The following TXNRD3 variants were observed in gnomAD, a reference collection of about 807,000 sequenced individuals.
The protein encoded by TXNRD3 is TXNRD3 neighbor gene protein.
In TXNRD3, 68 loss-of-function variants were observed where a neutral mutation model predicts 78.2. The ratio of observed to expected loss-of-function variants is 0.87; its 90% confidence interval spans 0.72 to 1.06. The LOEUF (loss-of-function observed/expected upper bound fraction) is 1.06, where lower values mean the gene tolerates loss of function less well. Ranked by LOEUF, TXNRD3 falls within the 50% of genes least tolerant of loss-of-function variation. The pLI is 0.00. For missense variants in TXNRD3, 751 were observed against 809.5 expected (o/e 0.93, Z 0.88); for synonymous variants, 296 against 300.1 (o/e 0.99, Z 0.14).
At chr3:126,644,775 C>T (rs1933188550) in intron 3 of TXNRD3, among the ~76,000 whole-genome samples, 1 of 152,234 alleles carries the variant, frequency 6.6e-6, no homozygotes, top group East Asian at 1.9e-4. Flanking sequence ...CTCACTTGTG[C>T]TAGTCTTCAT....
Position 126,615,348 on chromosome 3 carries a change from A to AT in TXNRD3, c.1632+6dup. On this transcript the variant is annotated splice_region_variant and intron_variant, in intron 13 of 15. Transcript: ENST00000524230. ...TTTTTTAAGGAAGTAATAAAACACA[A>AT]TCTTACTTCTAGATTCTCTTTTTTA... 4 of 1,356,056 alleles carry AT rather than the reference A, an allele frequency of 2.9e-6. No homozygotes were observed. Among genetic ancestry groups the AT allele is most frequent in the Non-Finnish European group, 2.9e-6 (3 of 1,018,844 alleles). The allele number at this position is 1,356,056 out of a possible 1,614,324, so 84.0% of individuals were successfully genotyped here. A position where few individuals can be genotyped will look rare whatever the true frequency, so the allele number is the denominator to read the frequency against.
chr3:126,622,516 A>G lies in TXNRD3; in HGVS notation c.1315T>C (p.Ser439Pro). 2 of 1,534,508 alleles carry G rather than the reference A, an allele frequency of 1.3e-6. No individual in the cohort carries two copies. Among genetic ancestry groups the G allele is most frequent in the Non-Finnish European group, 1.7e-6 (2 of 1,146,500 alleles). Residue 439 changes from serine (S) to proline (P), a missense_variant, in exon 11 of 16, where the codon TCC becomes CCC. By Grantham distance (74) the Ser-to-Pro change is moderately conservative. Coordinates refer to ENST00000524230, the MANE Select transcript of TXNRD3 (RefSeq NM_052883.3). Reference sequence around the variant, plus strand: ...TCCAAGCCTATTTTCCTTGTACAGGAGTCACGACCAATAGCTAACAAAACC... The same window carrying G: ...TCCAAGCCTATTTTCCTTGTACAGGGGTCACGACCAATAGCTAACAAAACC...
chr3:126,653,154 T>C (rs2107631872), intron 1 of TXNRD3, among the ~76,000 whole-genome samples: 1 of 152,380 alleles, frequency 6.6e-6, no homozygotes, highest in Admixed American at 6.5e-5. Context: ...TATTTAAAAG[T>C]CTGGTGATTT....
At chr3:126,613,991 C>T (rs1285846480) in intron 13 of TXNRD3, among the ~76,000 whole-genome samples, 3 of 152,316 alleles carry the variant, frequency 2.0e-5, no homozygotes, top group East Asian at 1.9e-4. Flanking sequence ...GTTACTACCC[C>T]TGGGACAGGA....
intron 2 of TXNRD3, among the ~76,000 whole-genome samples, chr3:126,646,475 A>C (rs1457738912): frequency 6.6e-6 from 1 of 152,218 alleles, no homozygotes; most frequent in African/African-American, 2.4e-5. Flanking sequence ...TTATTCAGTG[A>C]CTATGCCAAG....
intron 1 of TXNRD3, among the ~76,000 whole-genome samples, chr3:126,653,093 G>A (rs1933428760): frequency 6.6e-6 from 1 of 152,158 alleles, no homozygotes; most frequent in African/African-American, 2.4e-5. Context: ...TTAAATGTAT[G>A]TATAGCTCAC....
In TXNRD3 at chr3:126,608,501, C is replaced by T. The variant is rs1938114298; in HGVS notation, c.1861G>A (p.Glu621Lys). Residue 621 changes from glutamate (E) to lysine (K), a missense_variant and splice_region_variant, in exon 15 of 16, where the codon GAG (glutamate) becomes AAG (lysine). Physicochemically the swap from Glu to Lys is moderately conservative, Grantham distance 56 (BLOSUM62 1). Coordinates refer to ENST00000524230, the MANE Select transcript of TXNRD3 (RefSeq NM_052883.3). ...TTTTAAAACCTCCTGTTTCCTACCT[C>T]CCCACATGTGGGGTGAATTCCAATG... 6.5e-7 allele frequency: 1 copy of T among 1,531,580 alleles called. No homozygotes were observed. The highest frequency in any genetic ancestry group is 8.7e-7 in the Non-Finnish European group (1 of 1,145,418). 94.9% of individuals were successfully genotyped at this position (1,531,580 alleles called of 1,614,324 possible).
chr3:126,627,234 A>G (rs991943737), intron 10 of TXNRD3, among the ~76,000 whole-genome samples: 2 of 152,244 alleles, frequency 1.3e-5, no homozygotes, highest in African/African-American at 4.8e-5. Context: ...GATAAAAAGA[A>G]CTACTGATGC....
At chr3:126,608,694 A>T (rs1938122196) in intron 14 of TXNRD3, 61 bp from the exon 15 acceptor site, 1 of 1,462,382 alleles carries the variant, frequency 6.8e-7, no homozygotes, top group African/African-American at 1.4e-5. Context: ...ATATGGATCC[A>T]TTCACTGCAA....
intron 10 of TXNRD3, among the ~76,000 whole-genome samples, chr3:126,624,458 G>A (rs1228047757): frequency 6.6e-6 from 1 of 151,392 alleles, no homozygotes; most frequent in South Asian, 2.1e-4. Flanking sequence ...TCTTGCTCTG[G>A]CACCCAGGCT....
Position 126,635,559 on chromosome 3 carries a change from T to C in TXNRD3, c.713-1508A>G, listed in dbSNP as rs376082849. ...CAAAGGTTGCTTAGCTATTTTCACA[T>C]ATGTATTTTTCAAAACGAATTTTAA... On this transcript the variant is annotated intron_variant, in intron 6 of 15. Coordinates refer to ENST00000524230, the MANE Select transcript of TXNRD3 (RefSeq NM_052883.3). Among the ~76,000 whole-genome samples, 73 of 152,314 alleles carry C rather than the reference T, an allele frequency of 4.8e-4. 1 individual carries two copies. In the South Asian group the frequency reaches 0.015, roughly 30 times the overall value.
At chr3:126,634,178 A>T in intron 6 of TXNRD3, 127 bp from the exon 7 acceptor site, 1 of 769,336 alleles carries the variant, frequency 1.3e-6, no homozygotes, top group Non-Finnish European at 1.8e-6. Flanking sequence ...CAGTAACTTA[A>T]ATATTTTGTA....
At chr3:126,643,578 A>C (rs1168119818) in intron 5 of TXNRD3, among the ~76,000 whole-genome samples, 1 of 152,216 alleles carries the variant, frequency 6.6e-6, no homozygotes, top group East Asian at 1.9e-4. Flanking sequence ...ACTCAAAAAA[A>C]TACTACGGCA....
In TXNRD3 at chr3:126,654,807, G is replaced by A; in HGVS notation, c.184C>T (p.Leu62Phe). Residue 62 changes from leucine to phenylalanine, a missense_variant, in exon 1 of 16, where the codon CTC becomes TTC. Physicochemically the swap from Leu to Phe is conservative, Grantham distance 22. Coordinates refer to ENST00000524230, the MANE Select transcript of TXNRD3 (RefSeq NM_052883.3). ...ATCACCACCCGGCTGCGCTCGATGA[G>A]GCCCACGAGGTGGCGGCGCAGCTCC... The A allele has an allele frequency of 1.4e-6, 2 of 1,425,692 alleles. No individual in the cohort carries two copies. Among genetic ancestry groups the A allele is most frequent in the Non-Finnish European group, 1.8e-6 (2 of 1,090,574 alleles). 88.3% of individuals were successfully genotyped at this position (1,425,692 alleles called of 1,614,324 possible).
At position 126,633,897 on chromosome 3, in the gene TXNRD3, C is replaced by T. The variant is rs1277828022; in HGVS notation, c.855+12G>A. ...GAAAGGAGATGAACAAGACAAGAAA[C>T]TCAAGCACTACCTTTATTTTATGAT... On this transcript the variant is annotated intron_variant, in intron 7 of 15. Transcript: ENST00000524230. 6.8e-7 allele frequency: 1 copy of T among 1,467,044 alleles called. No homozygotes were observed. Among genetic ancestry groups the T allele is most frequent in the Non-Finnish European group, 9.0e-7 (1 of 1,114,880 alleles). 90.9% of individuals were successfully genotyped at this position (1,467,044 alleles called of 1,614,324 possible).
intron 15 of TXNRD3, 122 bp downstream of exon 15, chr3:126,608,377 A>G: frequency 1.8e-6 from 2 of 1,139,454 alleles, no homozygotes; most frequent in East Asian, 2.8e-5. Flanking sequence ...ATAAAATGAA[A>G]TAAAATAAAT....
chr3:126,625,789 A>G, intron 10 of TXNRD3: 1 of 152,126 alleles, frequency 6.6e-6, no homozygotes, highest in Non-Finnish European at 1.5e-5. Context: ...AAGTGTTCCT[A>G]TTTCTCCACA....
intron 6 of TXNRD3, 68 bp downstream of exon 6, chr3:126,641,964 C>A (rs1933098950): frequency 1.4e-6 from 2 of 1,417,316 alleles, no homozygotes; most frequent in Non-Finnish European, 1.9e-6. Context: ...AATATGAATA[C>A]CAAGTCTTTA....
rs138072406 is a variant in TXNRD3 at position 126,644,061 on chromosome 3, C to T, written c.520-8G>A. 2.3e-4 allele frequency: 347 copies of T among 1,535,474 alleles called. 1 individual carries two copies. In the African/African-American group the frequency reaches 3.2e-3, roughly 14 times the overall value. ...TCCCAAAATGGCAGCTTCCTACAAACGAACAACAACAAAAATTACGTATAA... is the reference window on the plus strand; with the variant it reads ...TCCCAAAATGGCAGCTTCCTACAAATGAACAACAACAAAAATTACGTATAA... On this transcript the variant is annotated splice_polypyrimidine_tract_variant and splice_region_variant and intron_variant, in intron 4 of 15. Transcript: ENST00000524230.
Sources: allele counts gnomAD v4.1 joint callset (sites outside exome capture counted in the v4.1 genomes callset), GRCh38; gene constraint gnomAD v4.1.1; transcripts MANE v1.5; gene names NCBI Gene and HGNC (gene_info 2026-07-23, HGNC 2026-07-21).